Variants in EPHB6 observed in about 807,000 individuals in gnomAD.
EPHB6 encodes the protein EPH receptor B6.
In EPHB6, 51 loss-of-function variants were observed where a neutral mutation model predicts 107.0. The ratio of observed to expected loss-of-function variants is 0.48; its 90% CI spans 0.38 to 0.60. The LOEUF is 0.60. Among genes scored for constraint, EPHB6 ranks in the 20% least tolerant of loss-of-function variants. The pLI is 0.00. For missense variants in EPHB6, 1,141 were observed against 1,355.5 expected (o/e 0.84, Z 2.48); for synonymous variants, 553 against 549.0 (o/e 1.01, Z -0.10).
rs1026381045 is a variant in EPHB6 at position 142,870,536 on chromosome 7, C to T, written c.2811C>T (p.Ser937=). 1.9e-6 allele frequency: 3 copies of T among 1,614,238 alleles called. No individual in the cohort carries two copies. The highest frequency in any genetic ancestry group is 1.3e-5 in the African/African-American group (1 of 75,066). The stretch of plus-strand genomic sequence containing the variant: ...CTTGCCCCTCCCCTCTTAGGCCTTC[C>T]CAGGCCCTTCTGACCCCTGTGGCCC... The part of the protein sequence containing the change: ...QAGGDPGERP[S]QALLTPVALD... The change falls in exon 19 of 20, where the codon TCC becomes TCT. Residue 937 remains serine (S), a synonymous_variant. Coordinates refer to ENST00000652003, the MANE Select transcript of EPHB6 (RefSeq NM_004445.6).
Position 142,870,317 on chromosome 7 carries a change from G to A in EPHB6, c.2714G>A (p.Arg905Gln), listed in dbSNP as rs767297199. ...GACACTTGGCAGAAGGACCGTGCCC[G>A]GCGGCCTCATTTTGACCAGCTGGTG... ...MLDTWQKDRA[R>Q]RPHFDQLVAA... The change falls in exon 18 of 20, where the codon CGG becomes CAG. Residue 905 changes from arginine (R) to glutamine (Q), a missense_variant. By Grantham distance (43) the Arg-to-Gln change is conservative. Around this residue, in one of 3 missense-constraint regions of EPHB6, gnomAD observed 616 missense variants for 759.3 expected, o/e 0.81. Transcript: ENST00000652003. 1.7e-4 allele frequency: 267 copies of A among 1,614,152 alleles called. No individual in the cohort carries two copies. Among genetic ancestry groups the A allele is most frequent in the Non-Finnish European group, 2.1e-4 (243 of 1,180,022 alleles).
chr7:142,863,890 G>C (rs1247648011), intron 6 of EPHB6, 76 bp from the exon 7 acceptor site: 1 of 1,577,128 alleles, frequency 6.3e-7, no homozygotes, highest in Non-Finnish European at 8.7e-7. Flanking sequence ...GAAGAGATAT[G>C]TCCCCTTCCC....
rs1028722552 is a variant in EPHB6 at position 142,866,841 on chromosome 7, G to T, written c.1588-65G>T. The T allele has an allele frequency of 6.2e-7, 1 of 1,612,946 alleles. No homozygotes were observed. Among genetic ancestry groups the T allele is most frequent in the Non-Finnish European group, 8.5e-7 (1 of 1,179,192 alleles). On this transcript the variant is annotated intron_variant, in intron 10 of 19. Transcript: ENST00000652003. The surrounding 1 kb of genome is among the most constrained non-coding windows in gnomAD (Gnocchi z 5.2). ...CTGTCAACCAGGGAGGGTGGCTGGG[G>T]GCCTTAGGGGCAGAAGCAGGGGCAA... is the stretch of plus-strand genomic sequence containing the variant.
rs775872501 is a variant in EPHB6 at position 142,868,875 on chromosome 7, G to A, written c.2287-99G>A. 4.0e-5 allele frequency: 63 copies of A among 1,589,382 alleles called. No homozygotes were observed. In the Admixed American group the frequency reaches 6.2e-4, roughly 16 times the overall value. ...TTCCTTCCCAGCCATTTTCTGATTC[G>A]ACACCCTCCCGCTCTCATGCTGTTG... On this transcript the variant is annotated intron_variant, in intron 15 of 19. Coordinates refer to ENST00000652003, the MANE Select transcript of EPHB6 (RefSeq NM_004445.6). The surrounding 1 kb of genome is among the most constrained non-coding windows in gnomAD (Gnocchi z 4.2).
chr7:142,865,488 G>T lies in EPHB6; in HGVS notation c.963G>T (p.Gly321=). The change falls in exon 8 of 20, where the codon GGG becomes GGT. Residue 321 remains glycine (G), a synonymous_variant. Coordinates refer to ENST00000652003, the MANE Select transcript of EPHB6 (RefSeq NM_004445.6). ...GDKACQACPR[G]LYKASAGNAP... ...CTGCCTCCTCAGCCTGCCCACGGGG[G>T]CTCTATAAGGCTTCTGCTGGGAATG... 1 of 1,613,246 alleles carries T rather than the reference G, an allele frequency of 6.2e-7. No homozygotes were observed. The highest frequency in any genetic ancestry group is 8.5e-7 in the Non-Finnish European group (1 of 1,180,004).
chr7:142,857,781 G>A (rs1802672444), intron 1 of EPHB6, among the ~76,000 whole-genome samples: 1 of 152,210 alleles, frequency 6.6e-6, no homozygotes, highest in Non-Finnish European at 1.5e-5. Flanking sequence ...CCCTTTGCTT[G>A]ACATCGTCGA....
Position 142,870,972 on chromosome 7 carries a change from G to C in EPHB6, c.*68G>C. On this transcript the variant is annotated 3_prime_UTR_variant, in exon 20 of 20. Coordinates refer to ENST00000652003, the MANE Select transcript of EPHB6 (RefSeq NM_004445.6). ...AAGGGACATGTGGGACGTGAGCCGG[G>C]CTCCAACAGCCTCTGTGAGAGATGC... The C allele has an allele frequency of 6.8e-7, 1 of 1,461,958 alleles. No homozygotes were observed. The highest frequency in any genetic ancestry group is 9.3e-7 in the Non-Finnish European group (1 of 1,071,652). The allele number at this position is 1,461,958 out of a possible 1,614,324, so 90.6% of individuals were successfully genotyped here. A position where few individuals can be genotyped will look rare whatever the true frequency, so the allele number is the denominator to read the frequency against.
At chr7:142,864,891 T>C (rs755982833) in intron 7 of EPHB6, 142 bp downstream of exon 7, 191 of 1,063,952 alleles carry the variant, frequency 1.8e-4, no homozygotes, top group Non-Finnish European at 2.4e-4. Context: ...TGATTTTCCC[T>C]AATTTTATTT....
At chr7:142,860,516 G>A (rs183598113) in intron 1 of EPHB6, among the ~76,000 whole-genome samples, 4 of 152,330 alleles carry the variant, frequency 2.6e-5, no homozygotes, top group African/African-American at 9.6e-5. Flanking sequence ...GAATTTAATA[G>A]CTATGCCTGC....
Position 142,867,038 on chromosome 7 carries a change from G to T in EPHB6, c.1720G>T (p.Gly574Cys). ...RTAAGHGPYG[G>C]KVYFQTLPQG... Reference sequence around the variant, plus strand: ...TGCTGCCGGCCACGGCCCCTACGGGGGCAAAGTCTATTTCCAGACACTTCC... The same window carrying T: ...TGCTGCCGGCCACGGCCCCTACGGGTGCAAAGTCTATTTCCAGACACTTCC... Residue 574 changes from glycine (G) to cysteine (C), a missense_variant, in exon 11 of 20, where the codon GGC becomes TGC. Physicochemically the swap from Gly to Cys is radical, Grantham distance 159. Transcript: ENST00000652003. This position sits in a 1 kb window ranked among gnomAD's most constrained non-coding sequence, Gnocchi z 5.3. The T allele has an allele frequency of 6.2e-7, 1 of 1,613,986 alleles. No homozygotes were observed. The highest frequency in any genetic ancestry group is 1.7e-5 in the Admixed American group (1 of 60,016).
Position 142,866,971 on chromosome 7 carries a change from G to A in EPHB6, c.1653G>A (p.Leu551=). 6.2e-7 allele frequency: 1 copy of A among 1,614,110 alleles called. No homozygotes were observed. Among genetic ancestry groups the A allele is most frequent in the Non-Finnish European group, 8.5e-7 (1 of 1,180,022 alleles). Residue 551 remains leucine, a synonymous_variant, in exon 11 of 20, where the codon CTG becomes CTA. Transcript: ENST00000652003. The surrounding 1 kb of genome is among the most constrained non-coding windows in gnomAD (Gnocchi z 5.2). The part of the protein sequence containing the change: ...SETNTATVTQ[L]SPGHIYGFQV... ...CCAACACTGCCACCGTGACACAGCT[G>A]AGCCCTGGCCACATCTATGGTTTCC...
intron 1 of EPHB6, among the ~76,000 whole-genome samples, chr7:142,858,602 A>ATTTTTTTTTT: frequency 7.7e-6 from 1 of 130,086 alleles, no homozygotes; most frequent in Non-Finnish European, 1.6e-5. Flanking sequence ...CGCCCAGCTA[A>ATTTTTTTTTT]TTTTTTTTTT....
chr7:142,868,306 C>T lies in EPHB6; in HGVS notation c.1984C>T (p.Leu662Phe). 1 of 1,614,194 alleles carries T rather than the reference C, an allele frequency of 6.2e-7. No individual in the cohort carries two copies. Among genetic ancestry groups the T allele is most frequent in the Non-Finnish European group, 8.5e-7 (1 of 1,180,020 alleles). The part of the protein sequence containing the change: ...YEDPCQAIRE[L>F]AREVDPAYIK... ...GGACCCCTGTCAGGCCATCCGAGAA[C>T]TTGCCCGGGAAGTCGATCCTGCTTA... The change falls in exon 14 of 20, where the codon CTT (leucine) becomes TTT (phenylalanine). Residue 662 changes from leucine (L) to phenylalanine (F), a missense_variant. By Grantham distance (22) the Leu-to-Phe change is conservative. Around this residue, in one of 3 missense-constraint regions of EPHB6, gnomAD observed 616 missense variants for 759.3 expected, o/e 0.81. Transcript: ENST00000652003. This position sits in a 1 kb window ranked among gnomAD's most constrained non-coding sequence, Gnocchi z 4.2.
At chr7:142,861,298 G>C (rs1390911448) in intron 2 of EPHB6, 112 bp downstream of exon 2, 1 of 152,102 alleles carries the variant, frequency 6.6e-6, no homozygotes, top group Non-Finnish European at 1.5e-5. Flanking sequence ...AAGCCATTAT[G>C]AGGATATGAA....
In EPHB6 at chr7:142,866,309, C is replaced by G; in HGVS notation, c.1455C>G (p.Ser485Arg). The G allele has an allele frequency of 6.2e-7, 1 of 1,613,944 alleles. No individual in the cohort carries two copies. The highest frequency in any genetic ancestry group is 8.5e-7 in the Non-Finnish European group (1 of 1,180,018). Residue 485 changes from serine to arginine, a missense_variant, in exon 9 of 20, where the codon AGC becomes AGG. Ser to Arg is a moderately radical substitution (Grantham distance 110). Around this residue, in one of 3 missense-constraint regions of EPHB6, gnomAD observed 616 missense variants for 759.3 expected, o/e 0.81. Coordinates refer to ENST00000652003, the MANE Select transcript of EPHB6 (RefSeq NM_004445.6). The surrounding 1 kb of genome is among the most constrained non-coding windows in gnomAD (Gnocchi z 5.2). ...CTGCAGCCATCAATGTCAGCACCAG[C>G]CATGAAGGTGAGCTCTTTTCCTTGG... ...PQAAAINVSTSHEVPSAVPVV... is the reference protein window; with the variant it reads ...PQAAAINVSTRHEVPSAVPVV...
rs1563337756 is a variant in EPHB6, at chr7:142,863,346, A to G, written c.100+19A>G. ...CTGGAAGGTAAGAGGGAGGGGAGAC[A>G]GGAGAACCCAGACCTGCCATAGAGA... On this transcript the variant is annotated intron_variant, in intron 5 of 19. Transcript: ENST00000652003. The G allele has an allele frequency of 3.1e-6, 5 of 1,609,788 alleles. No individual in the cohort carries two copies. Among genetic ancestry groups the G allele is most frequent in the Non-Finnish European group, 4.3e-6 (5 of 1,176,186 alleles).
In EPHB6 at chr7:142,865,513, G is replaced by A. The variant is rs776480320; in HGVS notation, c.988G>A (p.Ala330Thr). 6.2e-7 allele frequency: 1 copy of A among 1,613,182 alleles called. No homozygotes were observed. Residue 330 changes from alanine to threonine, a missense_variant, in exon 8 of 20, where the codon GCT (alanine) becomes ACT (threonine). Physicochemically the swap from Ala to Thr is moderately conservative, Grantham distance 58. Transcript: ENST00000652003. ...GCTCTATAAGGCTTCTGCTGGGAAT[G>A]CTCCCTGCTCACCATGCCCTGCCCG... ...RGLYKASAGN[A>T]PCSPCPARSH...
At chr7:142,858,346 A>T (rs138169349) in intron 1 of EPHB6, among the ~76,000 whole-genome samples, 1 of 149,422 alleles carries the variant, frequency 6.7e-6, no homozygotes, top group Non-Finnish European at 1.5e-5. Flanking sequence ...AAAATATCAT[A>T]TTTAGCATTT....
intron 5 of EPHB6, 125 bp downstream of exon 5, chr7:142,863,452 G>A (rs1802946811): frequency 8.5e-7 from 1 of 1,181,708 alleles, no homozygotes; most frequent in Non-Finnish European, 1.3e-6. Flanking sequence ...GGCATGGTGA[G>A]GATAATGAAG....
Sources: gnomAD v4.1 joint callset for allele counts (sites outside exome capture counted in the v4.1 genomes callset) on GRCh38, gnomAD v4.1.1 for gene constraint, gnomAD v4.1.1 regional missense constraint, Gnocchi (gnomAD v3.1) non-coding constraint, MANE v1.5 for transcripts, NCBI Gene and HGNC (gene_info 2026-07-23, HGNC 2026-07-21) for gene names.